SLC1A2: variants seen among roughly 807,000 people sequenced by gnomAD.
SLC1A2 encodes solute carrier family 1 member 2, also known as excitatory amino acid transporter 2.
A neutral mutation model predicts 48.8 loss-of-function variants in SLC1A2; 15 were observed. The observed-to-expected ratio is 0.31, with a 90% confidence interval of 0.21 to 0.47. The LOEUF (loss-of-function observed/expected upper bound fraction) is 0.47, where lower values mean the gene tolerates loss of function less well. Ranked by LOEUF, SLC1A2 falls within the 20% of genes least tolerant of loss-of-function variation. The probability of loss-of-function intolerance (pLI) is 0.99; values close to 1 mark genes in which losing one functional copy is unlikely to be tolerated. For synonymous variants in SLC1A2, 279 were observed against 272.6 expected (o/e 1.02, Z -0.23); for missense variants, 502 against 730.5 (o/e 0.69, Z 3.61).
At chr11:35,410,780 C>T (rs750814232) in intron 1 of SLC1A2, among the ~76,000 whole-genome samples, 30 of 152,330 alleles carry the variant, frequency 2.0e-4, no homozygotes, top group Middle Eastern at 6.8e-3. Flanking sequence ...AGGGCCATCC[C>T]TGTTCCAGAG....
chr11:35,263,804 C>T (rs1950435527), intron 10 of SLC1A2, among the ~76,000 whole-genome samples: 1 of 152,158 alleles, frequency 6.6e-6, no homozygotes, highest in African/African-American at 2.4e-5. Context: ...TAATTTATGG[C>T]TTTATAGATA....
chr11:35,333,250 T>TA (rs567978753), intron 1 of SLC1A2, among the ~76,000 whole-genome samples: 233 of 150,244 alleles, frequency 1.6e-3, no homozygotes, highest in Admixed American at 4.5e-3. Flanking sequence ...CCATCTCTAC[T>TA]AAAAAAAAAT....
At chr11:35,361,500 C>A (rs1199139382) in intron 1 of SLC1A2, among the ~76,000 whole-genome samples, 4 of 152,196 alleles carry the variant, frequency 2.6e-5, no homozygotes, top group Admixed American at 2.6e-4. Context: ...GCCTCCCTCA[C>A]TTCTGGAGAA....
chr11:35,384,050 C>G, intron 1 of SLC1A2, among the ~76,000 whole-genome samples: 1 of 152,196 alleles, frequency 6.6e-6, no homozygotes, highest in Non-Finnish European at 1.5e-5. Context: ...GGCCTGCCAT[C>G]GCCTCCTCTG....
chr11:35,366,194 C>T (rs774191964), intron 1 of SLC1A2, among the ~76,000 whole-genome samples: 5 of 152,208 alleles, frequency 3.3e-5, no homozygotes, highest in Non-Finnish European at 5.9e-5. Flanking sequence ...GAGGATTACA[C>T]TTCTCTATCC....
intron 7 of SLC1A2, among the ~76,000 whole-genome samples, chr11:35,289,443 CTT>C (rs11343016): frequency 2.7e-5 from 4 of 148,908 alleles, no homozygotes; most frequent in Non-Finnish European, 4.5e-5. Context: ...ATTAAAACCA[CTT>C]TTTTTTTTTC....
At position 35,260,851 on chromosome 11, in the gene SLC1A2, T is replaced by C. The variant is rs776738378; in HGVS notation, c.*43A>G. On this transcript the variant is annotated 3_prime_UTR_variant, in exon 11 of 11. Coordinates refer to ENST00000278379, the MANE Select transcript of SLC1A2 (RefSeq NM_004171.4). Reference sequence around the variant, plus strand: ...GTTTATATCATCAGTTACCATAGGATACGCTGGGGAGTTTATTCAAGAATT... The same window carrying C: ...GTTTATATCATCAGTTACCATAGGACACGCTGGGGAGTTTATTCAAGAATT... 1.5e-6 allele frequency: 2 copies of C among 1,298,216 alleles called. No individual in the cohort carries two copies. Among genetic ancestry groups the C allele is most frequent in the Non-Finnish European group, 2.2e-6 (2 of 891,890 alleles). 80.4% of individuals were successfully genotyped at this position (1,298,216 alleles called of 1,614,324 possible). A position where few individuals can be genotyped will look rare whatever the true frequency, so the allele number is the denominator to read the frequency against.
rs1429710439 is a variant in SLC1A2 at position 35,259,991 on chromosome 11, T to C, written c.*903A>G. 2 of 152,182 alleles carry C rather than the reference T, an allele frequency of 1.3e-5. No homozygotes were observed. Among genetic ancestry groups the C allele is most frequent in the Non-Finnish European group, 2.9e-5 (2 of 68,020 alleles). 9.4% of individuals were successfully genotyped at this position (152,182 alleles called of 1,614,324 possible). On this transcript the variant is annotated 3_prime_UTR_variant, in exon 11 of 11. Transcript: ENST00000278379. ...TTCTTTAGGAACCAAAAAATAATCT[T>C]TTGGGTTAAACAAAGCAAAACACAT...
chr11:35,416,553 G>A (rs530251946), intron 1 of SLC1A2, among the ~76,000 whole-genome samples: 5 of 152,198 alleles, frequency 3.3e-5, no homozygotes, highest in South Asian at 2.1e-4. Context: ...CATGTTCTGC[G>A]GCTGATAATT....
rs962941798 is a variant in SLC1A2, at chr11:35,256,632, T to G, written c.*4262A>C. 7 of 152,220 alleles carry G rather than the reference T, an allele frequency of 4.6e-5. No homozygotes were observed. Among genetic ancestry groups the G allele is most frequent in the Non-Finnish European group, 1.0e-4 (7 of 68,024 alleles). The allele number at this position is 152,220 out of a possible 1,614,324, so 9.4% of individuals were successfully genotyped here. On this transcript the variant is annotated 3_prime_UTR_variant, in exon 11 of 11. Transcript: ENST00000278379. Reference sequence around the variant, plus strand: ...AGGCTGTTTTTTTTTTAACTTAGTCTTCTTCTGCCTCCAGACTCTAGCATT... The same window carrying G: ...AGGCTGTTTTTTTTTTAACTTAGTCGTCTTCTGCCTCCAGACTCTAGCATT...
chr11:35,333,140 C>T (rs1231110280), intron 1 of SLC1A2, among the ~76,000 whole-genome samples: 1 of 152,134 alleles, frequency 6.6e-6, no homozygotes, highest in South Asian at 2.1e-4. Flanking sequence ...TGAGGGGGCA[C>T]AGTGGCTCAC....
intron 9 of SLC1A2, among the ~76,000 whole-genome samples, chr11:35,273,486 C>T (rs1016393165): frequency 1.3e-5 from 2 of 152,174 alleles, no homozygotes; most frequent in Non-Finnish European, 2.9e-5. Flanking sequence ...TAACTGCTAA[C>T]ATGTATTGAG....
intron 1 of SLC1A2, among the ~76,000 whole-genome samples, chr11:35,398,506 A>C (rs1254387527): frequency 6.6e-6 from 1 of 152,096 alleles, no homozygotes. Context: ...ACTGGGGTCT[A>C]CTTGAGGGTG....
At position 35,306,370 on chromosome 11, in the gene SLC1A2, A is replaced by C. The variant is rs938813032; in HGVS notation, c.562-128T>G. 6 of 637,328 alleles carry C rather than the reference A, an allele frequency of 9.4e-6. No individual in the cohort carries two copies. The African/African-American group carries it at 1.1e-4, about 12-fold the overall frequency. The allele number at this position is 637,328 out of a possible 1,614,324, so 39.5% of individuals were successfully genotyped here. A position where few individuals can be genotyped will look rare whatever the true frequency, so the allele number is the denominator to read the frequency against. ...ACAATAATTAAGAAATGCCAAAACA[A>C]GGTTATGAAAACTGGAGAATATTTT... On this transcript the variant is annotated intron_variant, in intron 4 of 10. Transcript: ENST00000278379.
Position 35,397,352 on chromosome 11 carries a change from C to G in SLC1A2, c.17+21598G>C, listed in dbSNP as rs1254534254. 3.5e-5 allele frequency among the ~76,000 whole-genome samples: 5 copies of G among 142,186 alleles called. No homozygotes were observed. The South Asian group carries it at 9.9e-4, about 28-fold the overall frequency. 93.3% of individuals were successfully genotyped at this position (142,186 alleles called of 152,430 possible). A position where few individuals can be genotyped will look rare whatever the true frequency, so the allele number is the denominator to read the frequency against. On this transcript the variant is annotated intron_variant, in intron 1 of 10. Coordinates refer to ENST00000278379, the MANE Select transcript of SLC1A2 (RefSeq NM_004171.4). The stretch of plus-strand genomic sequence containing the variant: ...AGAGATATAGATCAATGGAACAGAA[C>G]AGAGCCCTCAGAAATAACGCCGCAT...
chr11:35,332,228 C>T (rs1407280576), intron 1 of SLC1A2, among the ~76,000 whole-genome samples: 3 of 152,194 alleles, frequency 2.0e-5, no homozygotes, highest in Non-Finnish European at 2.9e-5. Flanking sequence ...GTCATTCCAG[C>T]AGCACCACGT....
At chr11:35,263,192 G>A (rs1028704743) in intron 10 of SLC1A2, among the ~76,000 whole-genome samples, 1 of 152,170 alleles carries the variant, frequency 6.6e-6, no homozygotes, top group Non-Finnish European at 1.5e-5. Context: ...TTGGCCAGGT[G>A]CAGTGGCTCA....
intron 10 of SLC1A2, chr11:35,265,088 C>T (rs541048565): frequency 5.5e-5 from 9 of 164,464 alleles, no homozygotes; most frequent in East Asian, 3.5e-4. Context: ...AGCAGGAGGG[C>T]GCCCGCCACC....
chr11:35,363,308 T>C (rs1219614120), intron 1 of SLC1A2, among the ~76,000 whole-genome samples: 3 of 152,128 alleles, frequency 2.0e-5, no homozygotes, highest in African/African-American at 4.8e-5. Context: ...ACCGTGGATG[T>C]CTGAGTAGGA....
Sources: gnomAD v4.1 joint callset for allele counts (sites outside exome capture counted in the v4.1 genomes callset) on GRCh38, gnomAD v4.1.1 for gene constraint, MANE v1.5 for transcripts, NCBI Gene and HGNC (gene_info 2026-07-23, HGNC 2026-07-21) for gene names.